Variants in RALYL observed in about 807,000 individuals in gnomAD.
The protein encoded by RALYL is RALY RNA binding protein like, also known as RNA-binding Raly-like protein.
Under a neutral mutation model 35.1 loss-of-function variants are expected in RALYL, and 29 were observed. The ratio of observed to expected loss-of-function variants is 0.83; its 90% CI spans 0.61 to 1.13. The LOEUF (loss-of-function observed/expected upper bound fraction) is 1.13, where lower values mean the gene tolerates loss of function less well. Among genes scored for constraint, RALYL ranks in the 50% most tolerant of loss-of-function variants. RALYL has a pLI of 0.00. For missense variants in RALYL, 359 were observed against 360.4 expected, an observed-to-expected ratio of 1.00 and a Z score of 0.03; for synonymous variants, 120 against 127.6, an observed-to-expected ratio of 0.94 and a Z score of 0.40.
chr8:84,553,515 G>C (rs2060894539), intron 2 of RALYL, among the ~76,000 whole-genome samples: 1 of 152,166 alleles, frequency 6.6e-6, no homozygotes, highest in Non-Finnish European at 1.5e-5. Flanking sequence ...TACTGGTGCT[G>C]AGGAAATTGT....
At chr8:84,831,823 C>A (rs1830992926) in intron 4 of RALYL, among the ~76,000 whole-genome samples, 1 of 151,980 alleles carries the variant, frequency 6.6e-6, no homozygotes, top group Non-Finnish European at 1.5e-5. Context: ...ACAAAAAGGT[C>A]ATAATTGACA....
chr8:84,414,144 TA>T (rs1197231036), intron 1 of RALYL, among the ~76,000 whole-genome samples: 2 of 152,296 alleles, frequency 1.3e-5, no homozygotes, highest in Admixed American at 1.3e-4. Flanking sequence ...ATGATTTTTT[TA>T]ATCCCATGTT....
chr8:84,825,991 T>A (rs1345293372), intron 4 of RALYL, among the ~76,000 whole-genome samples: 1 of 152,150 alleles, frequency 6.6e-6, no homozygotes, highest in Non-Finnish European at 1.5e-5. Flanking sequence ...AATAAAATTA[T>A]GTCCTTTGCA....
intron 2 of RALYL, chr8:84,679,883 G>A (rs551388960): frequency 1.7e-5 from 6 of 349,090 alleles, no homozygotes; most frequent in Non-Finnish European, 3.3e-5. Flanking sequence ...TAAGTTTTAG[G>A]GTACATGTGC....
intron 1 of RALYL, among the ~76,000 whole-genome samples, chr8:84,336,883 G>A (rs911206670): frequency 6.6e-6 from 1 of 151,790 alleles, no homozygotes; most frequent in African/African-American, 2.4e-5. Flanking sequence ...ACATTTAGTT[G>A]AGCCTAGGAG....
chr8:84,810,703 T>C (rs1825709507), intron 4 of RALYL, among the ~76,000 whole-genome samples: 1 of 152,196 alleles, frequency 6.6e-6, no homozygotes, highest in Non-Finnish European at 1.5e-5. Flanking sequence ...GATTGTGATA[T>C]TTTCCTGTTG....
intron 5 of RALYL, among the ~76,000 whole-genome samples, chr8:84,860,892 T>G (rs1474351053): frequency 1.3e-5 from 2 of 152,204 alleles, no homozygotes; most frequent in Non-Finnish European, 2.9e-5. Context: ...CTTTTTGCGC[T>G]TCCCTCACCT....
chr8:84,855,896 G>T (rs1836863424), intron 5 of RALYL, among the ~76,000 whole-genome samples: 1 of 152,048 alleles, frequency 6.6e-6, no homozygotes, highest in African/African-American at 2.4e-5. Flanking sequence ...TCCAAAATAG[G>T]CATTGTTCAA....
At chr8:84,249,324 T>C (rs944697265) in intron 1 of RALYL, among the ~76,000 whole-genome samples, 2 of 152,120 alleles carry the variant, frequency 1.3e-5, no homozygotes, top group Admixed American at 6.6e-5. Context: ...TAGATTGCTG[T>C]AAAATTTGCA....
intron 4 of RALYL, among the ~76,000 whole-genome samples, chr8:84,818,981 A>G (rs944412679): frequency 1.3e-5 from 2 of 152,156 alleles, no homozygotes; most frequent in Admixed American, 6.5e-5. Flanking sequence ...ATTGTCCCCA[A>G]GCTTTAAATA....
intron 4 of RALYL, among the ~76,000 whole-genome samples, chr8:84,845,650 C>T (rs1406236113): frequency 6.6e-6 from 1 of 152,100 alleles, no homozygotes; most frequent in Non-Finnish European, 1.5e-5. Flanking sequence ...TTTTGCTGTG[C>T]AGAAGTTCTT....
chr8:84,742,723 A>T (rs1807668311), intron 2 of RALYL, among the ~76,000 whole-genome samples: 1 of 152,060 alleles, frequency 6.6e-6, no homozygotes, highest in Non-Finnish European at 1.5e-5. Context: ...CCCCAAGGGG[A>T]GAATAAAATT....
At position 84,340,122 on chromosome 8, in the gene RALYL, G is replaced by A. The variant is rs559042982; in HGVS notation, c.-24+155698G>A. 1.1e-3 allele frequency among the ~76,000 whole-genome samples: 168 copies of A among 152,038 alleles called. 3 individuals are homozygous for A. The highest frequency in any genetic ancestry group is 3.9e-3 in the African/African-American group (161 of 41,488). On this transcript the variant is annotated intron_variant, in intron 1 of 8. Transcript: ENST00000521268. ...CTTTGCTCCTCCTTTGCCTTTCACC[G>A]TGATTGTGAGACCTCCCCAGCCATG...
intron 3 of RALYL, among the ~76,000 whole-genome samples, chr8:84,779,116 T>C (rs77572372): frequency 0.033 from 5,057 of 152,338 alleles, 274 homozygotes; most frequent in African/African-American, 0.12. Context: ...ATCCATTCTC[T>C]AGGGAAAACA....
At chr8:84,718,398 C>T (rs764689017) in intron 2 of RALYL, among the ~76,000 whole-genome samples, 2 of 152,102 alleles carry the variant, frequency 1.3e-5, no homozygotes, top group Non-Finnish European at 2.9e-5. Context: ...ATTATTTACT[C>T]ATACAAACTC....
intron 1 of RALYL, among the ~76,000 whole-genome samples, chr8:84,493,198 G>A (rs2134075201): frequency 6.6e-6 from 1 of 152,204 alleles, no homozygotes; most frequent in Middle Eastern, 3.4e-3. Flanking sequence ...TTAGTTTGCT[G>A]AGGATGATGG....
intron 2 of RALYL, among the ~76,000 whole-genome samples, chr8:84,670,644 G>A (rs1410825477): frequency 5.3e-5 from 8 of 152,154 alleles, no homozygotes; most frequent in Non-Finnish European, 1.0e-4. Context: ...AAGAGTGTGT[G>A]TGCAGGGGAA....
At chr8:84,871,180 G>A (rs2135209762) in intron 6 of RALYL, among the ~76,000 whole-genome samples, 1 of 152,282 alleles carries the variant, frequency 6.6e-6, no homozygotes, top group African/African-American at 2.4e-5. Flanking sequence ...TCTGAAAGAT[G>A]TTCTTTCAGT....
intron 4 of RALYL, among the ~76,000 whole-genome samples, chr8:84,812,398 C>T (rs116900420): frequency 2.2e-3 from 329 of 152,148 alleles, no homozygotes; most frequent in Non-Finnish European, 4.2e-3. Context: ...TATTTTTGTG[C>T]GGGTTGGCCT....
Sources: gnomAD v4.1 joint callset for allele counts (sites outside exome capture counted in the v4.1 genomes callset) on GRCh38, gnomAD v4.1.1 for gene constraint, MANE v1.5 for transcripts, NCBI Gene and HGNC (gene_info 2026-07-23, HGNC 2026-07-21) for gene names.